The following SLC35F4 variants were observed in gnomAD, a reference collection of about 807,000 sequenced individuals.
SLC35F4 encodes the protein chromosome 14 open reading frame 36.
A neutral mutation model predicts 44.2 loss-of-function variants in SLC35F4; 24 were observed. The observed-to-expected ratio is 0.54, with a 90% confidence interval of 0.39 to 0.76. The LOEUF is 0.76. Ranked by LOEUF, SLC35F4 falls within the 30% of genes least tolerant of loss-of-function variation. SLC35F4 has a pLI of 0.00. For synonymous variants in SLC35F4, 238 were observed against 223.6 expected, an observed-to-expected ratio of 1.06 and a Z score of -0.57; for missense variants, 562 against 586.1, an observed-to-expected ratio of 0.96 and a Z score of 0.42.
exon 2 of SLC35F4, chr14:57,976,916 C>T (rs903085691): frequency 3.3e-5 from 5 of 152,166 alleles, no homozygotes; most frequent in African/African-American, 1.2e-4. Context: ...CTGCAGACAT[C>T]ACATTTGTCC....
At chr14:57,631,371 A>G (rs1184333075) in intron 1 of SLC35F4, among the ~76,000 whole-genome samples, 1 of 152,120 alleles carries the variant, frequency 6.6e-6, no homozygotes, top group Non-Finnish European at 1.5e-5. Context: ...GGCAAAAATA[A>G]TTTTAAAGGG....
At chr14:57,937,119 G>A (rs1889811517) in intron 1 of SLC35F4, among the ~76,000 whole-genome samples, 1 of 150,492 alleles carries the variant, frequency 6.6e-6, no homozygotes. Flanking sequence ...CCAGGCTGGA[G>A]TGCAATGGCG....
intron 1 of SLC35F4, among the ~76,000 whole-genome samples, chr14:57,750,451 T>C (rs2140558436): frequency 6.6e-6 from 1 of 152,330 alleles, no homozygotes; most frequent in South Asian, 2.1e-4. Flanking sequence ...TTGAAAAATC[T>C]TCATACTGTT....
intron 1 of SLC35F4, among the ~76,000 whole-genome samples, chr14:57,647,603 A>G (rs1370169743): frequency 2.0e-5 from 3 of 152,158 alleles, no homozygotes; most frequent in Admixed American, 1.3e-4. Flanking sequence ...AGGAAGAAAG[A>G]GGAATCCTGG....
intron 1 of SLC35F4, among the ~76,000 whole-genome samples, chr14:57,753,986 A>G (rs1315027377): frequency 6.6e-6 from 1 of 152,086 alleles, no homozygotes; most frequent in African/African-American, 2.4e-5. Context: ...AATGTGTGTG[A>G]CAAAGATTTC....
At chr14:57,774,497 G>C (rs1272710941) in intron 1 of SLC35F4, among the ~76,000 whole-genome samples, 2 of 152,180 alleles carry the variant, frequency 1.3e-5, no homozygotes, top group Non-Finnish European at 2.9e-5. Flanking sequence ...ATCCCCCTAG[G>C]CTCGACTTGC....
chr14:57,818,345 C>T (rs979604815), intron 1 of SLC35F4, among the ~76,000 whole-genome samples: 1 of 152,166 alleles, frequency 6.6e-6, no homozygotes, highest in African/African-American at 2.4e-5. Flanking sequence ...CCTTGATTCA[C>T]AGTGTAGGTT....
chr14:57,749,997 A>G (rs1011560182), intron 1 of SLC35F4, among the ~76,000 whole-genome samples: 3 of 152,174 alleles, frequency 2.0e-5, no homozygotes, highest in African/African-American at 7.2e-5. Flanking sequence ...CACCCTAAAT[A>G]ACACATGTTG....
At chr14:57,881,721 T>C (rs1197768897) in intron 1 of SLC35F4, among the ~76,000 whole-genome samples, 1 of 152,212 alleles carries the variant, frequency 6.6e-6, no homozygotes, top group African/African-American at 2.4e-5. Context: ...GAGGAACATG[T>C]TGGTTCTTTA....
chr14:57,659,262 G>A (rs1417582110), intron 1 of SLC35F4, among the ~76,000 whole-genome samples: 1 of 152,156 alleles, frequency 6.6e-6, no homozygotes. Flanking sequence ...CCAAGGGACA[G>A]AGGAGGTGGT....
chr14:57,644,584 G>A (rs957454622), intron 1 of SLC35F4, among the ~76,000 whole-genome samples: 11 of 151,798 alleles, frequency 7.2e-5, no homozygotes, highest in East Asian at 1.9e-4. Flanking sequence ...CTCTGATGGT[G>A]GTTTCTTTTG....
At chr14:57,913,713 T>C (rs929956865) in intron 1 of SLC35F4, among the ~76,000 whole-genome samples, 2 of 152,192 alleles carry the variant, frequency 1.3e-5, no homozygotes, top group Admixed American at 6.5e-5. Context: ...TTATCTGTTA[T>C]ATTAATTTGG....
At chr14:57,695,995 A>G (rs10143140) in intron 1 of SLC35F4, among the ~76,000 whole-genome samples, 67,614 of 151,968 alleles carry the variant, frequency 0.44, 15,309 homozygotes, top group African/African-American at 0.53. Context: ...AAGAAAACCT[A>G]GGCAATACCA....
intron 1 of SLC35F4, among the ~76,000 whole-genome samples, chr14:57,949,880 T>G (rs752183409): frequency 7.9e-5 from 12 of 152,218 alleles, no homozygotes; most frequent in Non-Finnish European, 1.6e-4. Flanking sequence ...TTAAAAGGTT[T>G]CTGCTGAGAA....
At chr14:57,670,634 G>A (rs2074483999) in intron 1 of SLC35F4, among the ~76,000 whole-genome samples, 1 of 151,938 alleles carries the variant, frequency 6.6e-6, no homozygotes, top group Non-Finnish European at 1.5e-5. Context: ...CCATGTAGTT[G>A]AGCGGTTTTG....
chr14:57,727,534 A>G (rs1245187518), intron 1 of SLC35F4, among the ~76,000 whole-genome samples: 1 of 151,218 alleles, frequency 6.6e-6, no homozygotes, highest in Non-Finnish European at 1.5e-5. Flanking sequence ...TTATAGCTAT[A>G]CACTTTCCTC....
chr14:57,770,137 G>C (rs1440782464), intron 1 of SLC35F4, among the ~76,000 whole-genome samples: 1 of 152,164 alleles, frequency 6.6e-6, no homozygotes, highest in Non-Finnish European at 1.5e-5. Flanking sequence ...TGAGATGGAA[G>C]CTGGCTCTCC....
chr14:57,952,575 G>A (rs1461605204), intron 1 of SLC35F4, among the ~76,000 whole-genome samples: 2 of 151,780 alleles, frequency 1.3e-5, no homozygotes, highest in African/African-American at 4.8e-5. Flanking sequence ...AGAATAACCA[G>A]TTTAAAGAAG....
intron 1 of SLC35F4, among the ~76,000 whole-genome samples, chr14:57,943,354 G>A (rs975164536): frequency 1.3e-5 from 2 of 152,150 alleles, no homozygotes; most frequent in Non-Finnish European, 1.5e-5. Flanking sequence ...TATTTTTATG[G>A]TGATTTCTAA....
Sources: allele counts gnomAD v4.1 joint callset (sites outside exome capture counted in the v4.1 genomes callset), GRCh38; gene constraint gnomAD v4.1.1; transcripts MANE v1.5; gene names NCBI Gene and HGNC (gene_info 2026-07-23, HGNC 2026-07-21).